Variants in GRIK2 observed in about 807,000 individuals in gnomAD.
The protein encoded by GRIK2 is glutamate receptor ionotropic, kainate 2.
GRIK2 carries 32 observed loss-of-function variants against 100.3 expected under a neutral mutation model. The ratio of observed to expected loss-of-function variants is 0.32; its 90% CI spans 0.24 to 0.43. GRIK2 has a LOEUF of 0.43. GRIK2 is among the 20% of genes least tolerant of loss of function. GRIK2 has a pLI of 1.00. For missense variants in GRIK2, 843 were observed against 1,114.9 expected (o/e 0.76, Z 3.47); for synonymous variants, 417 against 389.4 (o/e 1.07, Z -0.83).
At chr6:101,526,656 C>T (rs1380125886) in intron 2 of GRIK2, among the ~76,000 whole-genome samples, 1 of 152,084 alleles carries the variant, frequency 6.6e-6, no homozygotes, top group African/African-American at 2.4e-5. Context: ...CTTAATGCTG[C>T]CTGTCACTTC....
chr6:101,728,670 G>C (rs1421123506), intron 7 of GRIK2, among the ~76,000 whole-genome samples: 1 of 151,976 alleles, frequency 6.6e-6, no homozygotes, highest in Admixed American at 6.6e-5. Flanking sequence ...AATACACAGA[G>C]TAAGCACTCA....
At chr6:101,790,480 T>A (rs1400443942) in intron 7 of GRIK2, among the ~76,000 whole-genome samples, 1 of 150,920 alleles carries the variant, frequency 6.6e-6, no homozygotes, top group Non-Finnish European at 1.5e-5. Context: ...GGTTTTTGTC[T>A]TTGGCTCTGT....
intron 11 of GRIK2, among the ~76,000 whole-genome samples, chr6:101,875,078 T>C (rs1007838591): frequency 2.0e-5 from 3 of 152,130 alleles, no homozygotes; most frequent in Non-Finnish European, 4.4e-5. Flanking sequence ...CCTAATTGAA[T>C]ACCTTTATTT....
intron 14 of GRIK2, among the ~76,000 whole-genome samples, chr6:101,982,583 A>C (rs557728595): frequency 2.0e-5 from 3 of 151,858 alleles, no homozygotes; most frequent in Admixed American, 6.6e-5. Context: ...TAAGAAGAGA[A>C]AAATTGAATT....
intron 2 of GRIK2, among the ~76,000 whole-genome samples, chr6:101,607,648 A>G (rs1173270795): frequency 6.6e-6 from 1 of 151,916 alleles, no homozygotes; most frequent in Non-Finnish European, 1.5e-5. Flanking sequence ...AAGCTACAGA[A>G]AAGTGTCTAT....
At chr6:101,434,309 C>A (rs1769594808) in intron 2 of GRIK2, among the ~76,000 whole-genome samples, 1 of 152,056 alleles carries the variant, frequency 6.6e-6, no homozygotes, top group African/African-American at 2.4e-5. Context: ...AGTGACGTGG[C>A]CTGAGAGATG....
intron 7 of GRIK2, among the ~76,000 whole-genome samples, chr6:101,697,221 C>T (rs1332579709): frequency 6.6e-6 from 1 of 151,954 alleles, no homozygotes; most frequent in East Asian, 1.9e-4. Flanking sequence ...CTTAAAGGCC[C>T]TGTGACTTAT....
intron 4 of GRIK2, among the ~76,000 whole-genome samples, chr6:101,664,676 A>G (rs1306110439): frequency 6.6e-6 from 1 of 152,210 alleles, no homozygotes; most frequent in Non-Finnish European, 1.5e-5. Flanking sequence ...ATAAGTCATA[A>G]TCAGGCTGGC....
At chr6:101,457,951 T>C (rs1398437373) in intron 2 of GRIK2, among the ~76,000 whole-genome samples, 2 of 152,110 alleles carry the variant, frequency 1.3e-5, no homozygotes, top group Non-Finnish European at 2.9e-5. Flanking sequence ...AATGATAAAA[T>C]ATTATATTTA....
chr6:101,973,285 C>T (rs1455077848), intron 14 of GRIK2, among the ~76,000 whole-genome samples: 1 of 151,846 alleles, frequency 6.6e-6, no homozygotes, highest in Non-Finnish European at 1.5e-5. Context: ...TTAGCAAGCA[C>T]TTGAAGTAAT....
intron 4 of GRIK2, among the ~76,000 whole-genome samples, chr6:101,654,495 CTG>C (rs1266593888): frequency 6.6e-6 from 1 of 152,142 alleles, no homozygotes; most frequent in Non-Finnish European, 1.5e-5. Context: ...GGCTAGGAGA[CTG>C]AGGTTGCACA....
At chr6:101,906,112 T>C (rs182590181) in intron 12 of GRIK2, among the ~76,000 whole-genome samples, 80 of 151,744 alleles carry the variant, frequency 5.3e-4, no homozygotes, top group African/African-American at 1.8e-3. Context: ...TTGAGAGAAA[T>C]TAATGATTAA....
chr6:101,472,691 A>G (rs905313832), intron 2 of GRIK2, among the ~76,000 whole-genome samples: 8 of 151,794 alleles, frequency 5.3e-5, no homozygotes, highest in Non-Finnish European at 1.0e-4. Flanking sequence ...TAGGCACAAT[A>G]CATAATTACA....
At chr6:101,982,709 G>A (rs1793788693) in intron 14 of GRIK2, among the ~76,000 whole-genome samples, 1 of 149,672 alleles carries the variant, frequency 6.7e-6, no homozygotes, top group African/African-American at 2.5e-5. Context: ...TGCCACAACT[G>A]AAACAAAAGG....
intron 13 of GRIK2, among the ~76,000 whole-genome samples, chr6:101,926,125 A>G (rs1444628140): frequency 6.6e-6 from 1 of 151,266 alleles, no homozygotes; most frequent in Admixed American, 6.6e-5. Context: ...TCTCTTTCTA[A>G]ATAACTCAAA....
At chr6:101,509,049 T>G (rs1007091535) in intron 2 of GRIK2, among the ~76,000 whole-genome samples, 1 of 150,842 alleles carries the variant, frequency 6.6e-6, no homozygotes, top group South Asian at 2.1e-4. Context: ...TCACAGCTAC[T>G]CGGGAGGCTG....
chr6:101,399,927 G>T (rs899332047), intron 2 of GRIK2, among the ~76,000 whole-genome samples: 1 of 152,168 alleles, frequency 6.6e-6, no homozygotes, highest in African/African-American at 2.4e-5. Context: ...TGTTTTCACC[G>T]CTTTTCCAGT....
intron 2 of GRIK2, among the ~76,000 whole-genome samples, chr6:101,570,575 A>C (rs1294203676): frequency 6.6e-6 from 1 of 152,122 alleles, no homozygotes; most frequent in Non-Finnish European, 1.5e-5. Context: ...ACCTTATTGA[A>C]AAATTAAATG....
chr6:101,841,994 G>A (rs1783535136), intron 10 of GRIK2, among the ~76,000 whole-genome samples: 1 of 152,026 alleles, frequency 6.6e-6, no homozygotes, highest in Non-Finnish European at 1.5e-5. Flanking sequence ...TTTACTTTAG[G>A]TAAGTTGCCA....
Sources: gnomAD v4.1 joint callset for allele counts (sites outside exome capture counted in the v4.1 genomes callset) on GRCh38, gnomAD v4.1.1 for gene constraint, MANE v1.5 for transcripts, NCBI Gene and HGNC (gene_info 2026-07-23, HGNC 2026-07-21) for gene names.